MATN2: variants seen among roughly 807,000 people sequenced by gnomAD.
MATN2 encodes the protein matrilin 2.
Under a neutral mutation model 103.2 loss-of-function variants are expected in MATN2, and 69 were observed. That is an observed-to-expected ratio of 0.67 (90% confidence interval 0.55 to 0.82). MATN2 has a LOEUF of 0.82. Among genes scored for constraint, MATN2 ranks in the 40% least tolerant of loss-of-function variants. The pLI is 0.00. For missense variants in MATN2, 1,023 were observed against 1,211.5 expected, an observed-to-expected ratio of 0.84 and a Z score of 2.31; for synonymous variants, 429 against 450.2, an observed-to-expected ratio of 0.95 and a Z score of 0.60.
chr8:97,891,046 T>A (rs1369373389), intron 2 of MATN2, among the ~76,000 whole-genome samples: 2 of 152,238 alleles, frequency 1.3e-5, no homozygotes, highest in Non-Finnish European at 2.9e-5. Flanking sequence ...CCACATGGGC[T>A]TATCTCTTAC....
At chr8:98,031,567 A>T (rs1417521200) in intron 15 of MATN2, 1 of 152,182 alleles carries the variant, frequency 6.6e-6, no homozygotes, top group Non-Finnish European at 1.5e-5. Context: ...CTATAATTGG[A>T]GTGGAAAGGG....
At chr8:98,033,870 T>TA (rs921648178) in intron 18 of MATN2, 2 of 547,852 alleles carry the variant, frequency 3.7e-6, no homozygotes, top group African/African-American at 3.8e-5. Context: ...GTCAAGCACT[T>TA]AGTTGCCATC....
chr8:97,978,940 C>T lies in MATN2; in HGVS notation c.1013C>T (p.Ala338Val), dbSNP rs138153044. 1.1e-5 allele frequency: 18 copies of T among 1,613,534 alleles called. No individual in the cohort carries two copies. The African/African-American group carries it at 2.3e-4, about 20-fold the overall frequency. Reference protein sequence around the residue: ...NHGCEHECVNADGSYLCQCHE... With the variant: ...NHGCEHECVNVDGSYLCQCHE... ...GGATGTGAACATGAGTGTGTAAATGCTGATGGCTCCTACCTTTGCCAGTGC... is the reference window on the plus strand; with the variant it reads ...GGATGTGAACATGAGTGTGTAAATGTTGATGGCTCCTACCTTTGCCAGTGC... The change falls in exon 6 of 19, where the codon GCT becomes GTT. Residue 338 changes from alanine (A) to valine (V), a missense_variant. Physicochemically the swap from Ala to Val is moderately conservative, Grantham distance 64. Transcript: ENST00000254898.
intron 17 of MATN2, 33 bp from the exon 18 acceptor site, chr8:98,033,528 C>A: frequency 8.3e-7 from 1 of 1,202,596 alleles, no homozygotes; most frequent in Non-Finnish European, 1.2e-6. Context: ...CTGGTGGATT[C>A]TAGAGGTGAA....
At chr8:98,032,625 G>T (rs1814077742) in intron 16 of MATN2, among the ~76,000 whole-genome samples, 1 of 151,972 alleles carries the variant, frequency 6.6e-6, no homozygotes, top group Non-Finnish European at 1.5e-5. Flanking sequence ...TCCACCTCCT[G>T]GGCTCAAGTG....
At chr8:97,933,748 A>G (rs1362587666) in intron 3 of MATN2, among the ~76,000 whole-genome samples, 1 of 151,940 alleles carries the variant, frequency 6.6e-6, no homozygotes, top group Non-Finnish European at 1.5e-5. Context: ...GAGTCCCCCC[A>G]TCCACTCTGC....
At chr8:97,928,680 G>A (rs1021794009) in intron 2 of MATN2, among the ~76,000 whole-genome samples, 2 of 152,158 alleles carry the variant, frequency 1.3e-5, no homozygotes, top group African/African-American at 4.8e-5. Context: ...ACCCAGCCTG[G>A]GGCTGGACAC....
chr8:97,907,911 G>T (rs567001022), intron 2 of MATN2, among the ~76,000 whole-genome samples: 1 of 152,240 alleles, frequency 6.6e-6, no homozygotes, highest in African/African-American at 2.4e-5. Context: ...GCTGAGGCAG[G>T]TGGATAACCT....
At chr8:98,017,007 T>C (rs961824807) in intron 11 of MATN2, among the ~76,000 whole-genome samples, 1 of 152,172 alleles carries the variant, frequency 6.6e-6, no homozygotes, top group African/African-American at 2.4e-5. Context: ...AATCTAAAAC[T>C]GTCCTAAATA....
At position 98,034,682 on chromosome 8, in the gene MATN2, T is replaced by G. The variant is rs148382519; in HGVS notation, c.2816-975T>G. 7.6e-3 allele frequency among the ~76,000 whole-genome samples: 1,159 copies of G among 152,232 alleles called. 9 individuals are homozygous for G. Among genetic ancestry groups the G allele is most frequent in the African/African-American group, 0.026 (1,088 of 41,540 alleles). On this transcript the variant is annotated intron_variant, in intron 18 of 18. Transcript: ENST00000254898. ...CCCCAAAGTTCTACTCACAAGAGACTAAAGAAGACATATTTTTACATAGGT... is the reference window on the plus strand; with the variant it reads ...CCCCAAAGTTCTACTCACAAGAGACGAAAGAAGACATATTTTTACATAGGT...
intron 2 of MATN2, among the ~76,000 whole-genome samples, chr8:97,900,547 G>A (rs1371172234): frequency 6.6e-6 from 1 of 152,174 alleles, no homozygotes; most frequent in Non-Finnish European, 1.5e-5. Context: ...CAAAGGCTGG[G>A]AAGGGCTGCT....
At position 97,871,875 on chromosome 8, in the gene MATN2, G is replaced by A. The variant is rs115130135; in HGVS notation, c.-27+2588G>A. ...GTGGCTTTGACATGGATGAGATGGA[G>A]TTGGGGTACAACCCAAAGCACACTG... is the stretch of plus-strand genomic sequence containing the variant. On this transcript the variant is annotated intron_variant, in intron 1 of 18. Transcript: ENST00000254898. Among the ~76,000 whole-genome samples the A allele has an allele frequency of 2.5e-3, 384 of 152,344 alleles. 1 individual carries two copies. The highest frequency in any genetic ancestry group is 9.0e-3 in the African/African-American group (374 of 41,582).
In MATN2 at chr8:97,931,454, A is replaced by G. The variant is rs1810192225; in HGVS notation, c.644A>G (p.His215Arg). Reference sequence around the variant, plus strand: ...ATTGGGAGTGAGCCCCATGAGGACCATGTCTTCCTTGTGGCCAATTTCAGC... The same window carrying G: ...ATTGGGAGTGAGCCCCATGAGGACCGTGTCTTCCTTGTGGCCAATTTCAGC... ...KSIGSEPHED[H>R]VFLVANFSQI... Residue 215 changes from histidine (H) to arginine (R), a missense_variant, in exon 3 of 19, where the codon CAT becomes CGT. His to Arg is a conservative substitution (Grantham distance 29). Transcript: ENST00000254898. This position sits in a 1 kb window ranked among gnomAD's most constrained non-coding sequence, Gnocchi z 4.1. 2.5e-6 allele frequency: 4 copies of G among 1,613,650 alleles called. No homozygotes were observed. The highest frequency in any genetic ancestry group is 2.2e-5 in the East Asian group (1 of 44,884).
At chr8:97,910,182 C>T (rs748580190) in intron 2 of MATN2, among the ~76,000 whole-genome samples, 26 of 152,160 alleles carry the variant, frequency 1.7e-4, no homozygotes, top group Non-Finnish European at 3.5e-4. Context: ...CCACCTCAGC[C>T]TCCCCAGTAG....
At chr8:97,964,230 C>T (rs979550963) in intron 5 of MATN2, among the ~76,000 whole-genome samples, 2 of 152,096 alleles carry the variant, frequency 1.3e-5, no homozygotes, top group African/African-American at 4.8e-5. Context: ...GGTGGCCTAA[C>T]CTGAGGGCCA....
chr8:97,992,784 G>A (rs917370225), intron 6 of MATN2, among the ~76,000 whole-genome samples: 1 of 143,036 alleles, frequency 7.0e-6, no homozygotes. Flanking sequence ...CTCAGGCATG[G>A]TGGCATGCAC....
chr8:97,881,546 G>A (rs1586371031), intron 1 of MATN2, among the ~76,000 whole-genome samples: 4 of 152,200 alleles, frequency 2.6e-5, no homozygotes, highest in Admixed American at 6.5e-5. Context: ...AGTCAAAGCC[G>A]TTGTATTATT....
At position 97,961,609 on chromosome 8, in the gene MATN2, T is replaced by A. The variant is rs1811321367; in HGVS notation, c.958+79T>A. The A allele has an allele frequency of 2.2e-6, 3 of 1,391,278 alleles. No individual in the cohort carries two copies. The Admixed American group carries it at 8.1e-5, about 38-fold the overall frequency. The allele number at this position is 1,391,278 out of a possible 1,614,324, so 86.2% of individuals were successfully genotyped here. On this transcript the variant is annotated intron_variant, in intron 5 of 18. Coordinates refer to ENST00000254898, the MANE Select transcript of MATN2 (RefSeq NM_002380.5). ...GGAGGAGGGGAGACTCACGTGTACC[T>A]CCCACATATTTGTTTCCTCACCTTT...
intron 1 of MATN2, among the ~76,000 whole-genome samples, chr8:97,885,875 A>G (rs1818407272): frequency 6.6e-6 from 1 of 152,180 alleles, no homozygotes; most frequent in South Asian, 2.1e-4. Context: ...AGGGGTCCCC[A>G]ACCCCCACCC....
Sources: gnomAD v4.1 joint callset for allele counts (sites outside exome capture counted in the v4.1 genomes callset) on GRCh38, gnomAD v4.1.1 for gene constraint, Gnocchi (gnomAD v3.1) non-coding constraint, MANE v1.5 for transcripts, NCBI Gene and HGNC (gene_info 2026-07-23, HGNC 2026-07-21) for gene names.